LRRC7: variants seen among roughly 807,000 people sequenced by gnomAD.
LRRC7 encodes the protein leucine rich repeat containing 7, also known as leucine-rich repeat-containing protein 7.
A neutral mutation model predicts 175.7 loss-of-function variants in LRRC7; 23 were observed. The ratio of observed to expected loss-of-function variants is 0.13; its 90% CI spans 0.09 to 0.19. The LOEUF (loss-of-function observed/expected upper bound fraction) is 0.19. LRRC7 is among the 10% of genes least tolerant of loss of function. The probability of loss-of-function intolerance (pLI) is 1.00; values close to 1 mark genes in which losing one functional copy is unlikely to be tolerated. For synonymous variants in LRRC7, 685 were observed against 680.9 expected (o/e 1.01, Z -0.09); for missense variants, 1,354 against 1,904.7 (o/e 0.71, Z 5.38).
chr1:70,134,988 T>TAAACC lies in LRRC7; in HGVS notation c.*13101_*13102insAAACC, dbSNP rs1666807466. 6.6e-6 allele frequency among the ~76,000 whole-genome samples: 1 copy of TAAACC among 152,222 alleles called. No homozygotes were observed. The highest frequency in any genetic ancestry group is 2.4e-5 in the African/African-American group (1 of 41,464). Reference sequence around the variant, plus strand: ...TTTCCATAACCTTTTAATGATAGGTTTAGTTGTAAAATCCAGAACTATTTA... The same window carrying TAAACC: ...TTTCCATAACCTTTTAATGATAGGTTAAACCTAGTTGTAAAATCCAGAACTATTTA... On this transcript the variant is annotated 3_prime_UTR_variant, in exon 27 of 27. Coordinates refer to ENST00000651989, the MANE Select transcript of LRRC7 (RefSeq NM_001370785.2).
At chr1:69,719,894 G>T (rs915909769) in intron 2 of LRRC7, among the ~76,000 whole-genome samples, 1 of 151,420 alleles carries the variant, frequency 6.6e-6, no homozygotes, top group African/African-American at 2.4e-5. Context: ...AATGCCTTTT[G>T]CTTTAAAATC....
At chr1:69,608,353 T>C (rs1272916235) in intron 1 of LRRC7, 1 of 152,094 alleles carries the variant, frequency 6.6e-6, no homozygotes, top group Non-Finnish European at 1.5e-5. Context: ...ATTCCAAGGC[T>C]CTGCAAGCCT....
chr1:69,739,910 G>A (rs1209527559), intron 2 of LRRC7, among the ~76,000 whole-genome samples: 2 of 152,030 alleles, frequency 1.3e-5, no homozygotes, highest in African/African-American at 4.8e-5. Flanking sequence ...GCACTTAAGT[G>A]TACAGTAAAA....
At chr1:69,770,456 A>G (rs575075293) in intron 3 of LRRC7, among the ~76,000 whole-genome samples, 1 of 152,292 alleles carries the variant, frequency 6.6e-6, no homozygotes, top group South Asian at 2.1e-4. Context: ...AGGGTGACAA[A>G]TTTTGAAATG....
At chr1:69,588,379 A>C (rs1646487107) in intron 1 of LRRC7, among the ~76,000 whole-genome samples, 1 of 152,182 alleles carries the variant, frequency 6.6e-6, no homozygotes, top group African/African-American at 2.4e-5. Flanking sequence ...AATAAACCGG[A>C]TGTGAAATTA....
chr1:70,135,001 C>A lies in LRRC7; in HGVS notation c.*13114C>A, dbSNP rs555780627. Among the ~76,000 whole-genome samples, 1 of 152,194 alleles carries A rather than the reference C, an allele frequency of 6.6e-6. No homozygotes were observed. Among genetic ancestry groups the A allele is most frequent in the African/African-American group, 2.4e-5 (1 of 41,518 alleles). ...TTAATGATAGGTTTAGTTGTAAAAT[C>A]CAGAACTATTTAAATACTAGAATGA... On this transcript the variant is annotated 3_prime_UTR_variant, in exon 27 of 27. Transcript: ENST00000651989.
chr1:69,667,576 T>A (rs1345015663), intron 1 of LRRC7, among the ~76,000 whole-genome samples: 1 of 152,232 alleles, frequency 6.6e-6, no homozygotes, highest in African/African-American at 2.4e-5. Context: ...TCTATTCTTA[T>A]ACTATTCATC....
At chr1:69,707,571 A>T (rs1253457948) in intron 2 of LRRC7, among the ~76,000 whole-genome samples, 1 of 152,316 alleles carries the variant, frequency 6.6e-6, no homozygotes, top group East Asian at 1.9e-4. Flanking sequence ...AGTCTGAGGC[A>T]GGGGAAACCA....
chr1:69,965,197 A>G (rs1226597906), intron 8 of LRRC7, among the ~76,000 whole-genome samples: 2 of 152,190 alleles, frequency 1.3e-5, no homozygotes, highest in African/African-American at 4.8e-5. Flanking sequence ...TTCTGGTGCT[A>G]TGCTTCTGTG....
rs58893640 is a variant in LRRC7, at chr1:69,612,944, C to T, written c.2+44303C>T. Among the ~76,000 whole-genome samples, 1,502 of 152,140 alleles carry T rather than the reference C, an allele frequency of 9.9e-3. 20 individuals are homozygous for T. Among genetic ancestry groups the T allele is most frequent in the African/African-American group, 0.034 (1,411 of 41,518 alleles). ...CTTCTACTCCCCCATTACAAGCTCT[C>T]GACACACTAAACAAATTCAGGTTCT... is the stretch of plus-strand genomic sequence containing the variant. On this transcript the variant is annotated intron_variant, in intron 1 of 26. Coordinates refer to ENST00000651989, the MANE Select transcript of LRRC7 (RefSeq NM_001370785.2).
Position 69,816,987 on chromosome 1 carries a change from G to A in LRRC7, c.422-8761G>A, listed in dbSNP as rs563447581. Among the ~76,000 whole-genome samples the A allele has an allele frequency of 3.0e-3, 457 of 152,026 alleles. 4 individuals carry two copies. Among genetic ancestry groups the A allele is most frequent in the African/African-American group, 0.011 (439 of 41,468 alleles). On this transcript the variant is annotated intron_variant, in intron 4 of 26. Transcript: ENST00000651989. ...ATAGGAGGATTTGCTTATGCTTTAA[G>A]GCCAAATAATATTTCATTGTGCACA...
chr1:70,004,842 A>G (rs1655859530), intron 11 of LRRC7, among the ~76,000 whole-genome samples: 1 of 151,572 alleles, frequency 6.6e-6, no homozygotes, highest in Non-Finnish European at 1.5e-5. Flanking sequence ...TTCTCTACTA[A>G]ATCTTTGTTA....
intron 2 of LRRC7, among the ~76,000 whole-genome samples, chr1:69,706,052 G>T (rs1285034143): frequency 1.3e-5 from 2 of 152,074 alleles, no homozygotes; most frequent in Non-Finnish European, 2.9e-5. Flanking sequence ...TTTCTTTGCT[G>T]CCTGATTGAA....
At chr1:69,891,908 G>A (rs1434541338) in intron 7 of LRRC7, among the ~76,000 whole-genome samples, 1 of 152,020 alleles carries the variant, frequency 6.6e-6, no homozygotes, top group Non-Finnish European at 1.5e-5. Flanking sequence ...TGTAAAAAAT[G>A]AAATACCTGT....
At chr1:69,883,692 G>T (rs1686874407) in intron 7 of LRRC7, among the ~76,000 whole-genome samples, 1 of 96,620 alleles carries the variant, frequency 1.0e-5, no homozygotes, top group Non-Finnish European at 2.2e-5. Flanking sequence ...CCTTGCCCAT[G>T]CCTATGTCCG....
chr1:69,836,095 AG>A (rs1681070732), intron 6 of LRRC7, among the ~76,000 whole-genome samples: 1 of 152,072 alleles, frequency 6.6e-6, no homozygotes, highest in Non-Finnish European at 1.5e-5. Context: ...TAATAGACTA[AG>A]TATAGCTTGA....
chr1:69,795,347 C>T (rs1200103263), intron 4 of LRRC7, among the ~76,000 whole-genome samples: 1 of 150,864 alleles, frequency 6.6e-6, no homozygotes. Context: ...TGCACTCTAG[C>T]CTGGACGACA....
intron 1 of LRRC7, among the ~76,000 whole-genome samples, chr1:69,588,741 T>A (rs1437256016): frequency 6.6e-6 from 1 of 152,142 alleles, no homozygotes; most frequent in Admixed American, 6.5e-5. Flanking sequence ...ACTATTAAAG[T>A]CTAGAGGTTT....
chr1:69,752,447 G>A (rs1181519094), intron 2 of LRRC7, among the ~76,000 whole-genome samples: 4 of 152,222 alleles, frequency 2.6e-5, no homozygotes, highest in South Asian at 2.1e-4. Context: ...ATGAGCATTG[G>A]TCTAAAATTC....
Sources: allele counts gnomAD v4.1 joint callset (sites outside exome capture counted in the v4.1 genomes callset), GRCh38; gene constraint gnomAD v4.1.1; transcripts MANE v1.5; gene names NCBI Gene and HGNC (gene_info 2026-07-23, HGNC 2026-07-21).